Variants in PTPRD observed in about 807,000 individuals in gnomAD.
PTPRD encodes the protein protein tyrosine phosphatase receptor type D, also known as receptor-type tyrosine-protein phosphatase delta.
A neutral mutation model predicts 214.5 loss-of-function variants in PTPRD; 34 were observed. The observed-to-expected ratio is 0.16, with a 90% CI of 0.12 to 0.21. The LOEUF (loss-of-function observed/expected upper bound fraction) is 0.21. Ranked by LOEUF, PTPRD falls within the 10% of genes least tolerant of loss-of-function variation. PTPRD has a pLI of 1.00. For synonymous variants in PTPRD, 1,128 were observed against 845.7 expected (o/e 1.33, Z -5.79); for missense variants, 2,545 against 2,398.7 (o/e 1.06, Z -1.27).
intron 14 of PTPRD, among the ~76,000 whole-genome samples, chr9:8,602,306 C>T (rs1028197269): frequency 6.6e-6 from 1 of 152,114 alleles, no homozygotes; most frequent in African/African-American, 2.4e-5. Flanking sequence ...TGGCATACAC[C>T]TTCCTCATTG....
At chr9:10,005,245 T>C (rs2096448601) in intron 4 of PTPRD, among the ~76,000 whole-genome samples, 1 of 152,096 alleles carries the variant, frequency 6.6e-6, no homozygotes, top group Admixed American at 6.6e-5. Flanking sequence ...AACAGCTTTT[T>C]AAAGTAAAAG....
At chr9:9,329,110 C>G (rs1237631793) in intron 9 of PTPRD, among the ~76,000 whole-genome samples, 1 of 152,066 alleles carries the variant, frequency 6.6e-6, no homozygotes, top group African/African-American at 2.4e-5. Flanking sequence ...CTTCCCAAAA[C>G]CACCTCCAAT....
intron 7 of PTPRD, among the ~76,000 whole-genome samples, chr9:9,582,625 T>C (rs2154315845): frequency 6.6e-6 from 1 of 152,252 alleles, no homozygotes; most frequent in East Asian, 1.9e-4. Flanking sequence ...TTTGCGATGA[T>C]GAAATTATAT....
At chr9:10,597,537 T>G (rs1567135826) in intron 2 of PTPRD, among the ~76,000 whole-genome samples, 1 of 151,796 alleles carries the variant, frequency 6.6e-6, no homozygotes, top group South Asian at 2.1e-4. Flanking sequence ...AATATCCACT[T>G]TAAAATAATG....
intron 7 of PTPRD, among the ~76,000 whole-genome samples, chr9:9,612,558 C>T (rs529676217): frequency 1.1e-3 from 166 of 152,200 alleles, no homozygotes; most frequent in African/African-American, 4.0e-3. Context: ...GATCTGCGTT[C>T]CTGTTTTCTT....
intron 9 of PTPRD, among the ~76,000 whole-genome samples, chr9:9,234,939 T>G (rs1014064857): frequency 2.6e-5 from 4 of 152,210 alleles, no homozygotes; most frequent in Non-Finnish European, 5.9e-5. Flanking sequence ...TGCTCTCACA[T>G]TTTTGCGTAT....
At chr9:10,122,165 G>A (rs1396488764) in intron 3 of PTPRD, among the ~76,000 whole-genome samples, 3 of 151,986 alleles carry the variant, frequency 2.0e-5, no homozygotes, top group African/African-American at 7.3e-5. Context: ...AAAATTAGCT[G>A]GGCATGGTGG....
At chr9:9,162,122 C>T (rs1320881650) in intron 10 of PTPRD, among the ~76,000 whole-genome samples, 1 of 152,090 alleles carries the variant, frequency 6.6e-6, no homozygotes, top group Non-Finnish European at 1.5e-5. Flanking sequence ...GGCCTTTGTC[C>T]ATTTGTGCCT....
Position 8,666,923 on chromosome 9 carries a change from T to A in PTPRD, c.65-30079A>T, listed in dbSNP as rs556410060. Among the ~76,000 whole-genome samples the A allele has an allele frequency of 2.6e-5, 4 of 151,940 alleles. No individual in the cohort carries two copies. The East Asian group carries it at 7.7e-4, about 29-fold the overall frequency. On this transcript the variant is annotated intron_variant, in intron 12 of 45. Coordinates refer to ENST00000381196, the MANE Select transcript of PTPRD (RefSeq NM_002839.4). ...ACACTAGCACAAGCATTGTGTCTTG[T>A]GTACATACATTATCTCTAACAAGAC...
intron 10 of PTPRD, among the ~76,000 whole-genome samples, chr9:9,086,330 G>A (rs766153934): frequency 1.8e-4 from 27 of 152,228 alleles, no homozygotes; most frequent in Admixed American, 1.0e-3. Context: ...AATCTAGAAC[G>A]CATGCTGTTC....
rs753707055 is a variant in PTPRD at position 10,058,302 on chromosome 9, C to T, written c.-544-24512G>A. Among the ~76,000 whole-genome samples, 3 of 152,038 alleles carry T rather than the reference C, an allele frequency of 2.0e-5. No individual in the cohort carries two copies. In the East Asian group the frequency reaches 5.8e-4, roughly 29 times the overall value. ...CCTAGTAATGCCACACCAGACACTG[C>T]AACCCATATGTTATAGTTTAACAAT... On this transcript the variant is annotated intron_variant, in intron 3 of 45. Coordinates refer to ENST00000381196, the MANE Select transcript of PTPRD (RefSeq NM_002839.4).
At chr9:10,445,961 C>A (rs1380179725) in intron 2 of PTPRD, among the ~76,000 whole-genome samples, 1 of 151,782 alleles carries the variant, frequency 6.6e-6, no homozygotes, top group South Asian at 2.1e-4. Flanking sequence ...AGCAGGTAAA[C>A]CAAAATGTGT....
At chr9:10,166,770 G>A (rs150219550) in intron 3 of PTPRD, among the ~76,000 whole-genome samples, 1 of 152,156 alleles carries the variant, frequency 6.6e-6, no homozygotes, top group Non-Finnish European at 1.5e-5. Flanking sequence ...ATAAAATAAA[G>A]ATGATAAGGC....
At chr9:9,487,420 A>G (rs1251303154) in intron 8 of PTPRD, among the ~76,000 whole-genome samples, 1 of 152,086 alleles carries the variant, frequency 6.6e-6, no homozygotes, top group Non-Finnish European at 1.5e-5. Flanking sequence ...ATAGTATTCC[A>G]TGGTGTATAT....
intron 11 of PTPRD, among the ~76,000 whole-genome samples, chr9:8,803,692 C>G (rs2096616322): frequency 6.6e-6 from 1 of 151,430 alleles, no homozygotes; most frequent in Non-Finnish European, 1.5e-5. Context: ...TCACTTGTAA[C>G]CACTGCACTC....
chr9:10,036,558 G>A lies in PTPRD; in HGVS notation c.-544-2768C>T, dbSNP rs150099519. ...CAATTTTGCCAGGATTCCACAAACA[G>A]CACAAATACATTTTTTTTTATTTTA... On this transcript the variant is annotated intron_variant, in intron 3 of 45. Coordinates refer to ENST00000381196, the MANE Select transcript of PTPRD (RefSeq NM_002839.4). Among the ~76,000 whole-genome samples, 6 of 141,984 alleles carry A rather than the reference G, an allele frequency of 4.2e-5. No individual in the cohort carries two copies. In the East Asian group the frequency reaches 1.4e-3, roughly 32 times the overall value. 93.1% of individuals were successfully genotyped at this position (141,984 alleles called of 152,430 possible).
chr9:9,726,402 C>T (rs1403405467), intron 7 of PTPRD, among the ~76,000 whole-genome samples: 1 of 152,096 alleles, frequency 6.6e-6, no homozygotes, highest in Admixed American at 6.6e-5. Flanking sequence ...ATAAGCAGGA[C>T]AGTGTAAAAT....
chr9:8,887,229 T>C (rs145029066), intron 11 of PTPRD, among the ~76,000 whole-genome samples: 50 of 152,252 alleles, frequency 3.3e-4, no homozygotes, highest in African/African-American at 1.2e-3. Flanking sequence ...CTTCTTAAAG[T>C]GAGTATCTCA....
intron 7 of PTPRD, among the ~76,000 whole-genome samples, chr9:9,598,651 TAA>T (rs896344801): frequency 2.1e-4 from 32 of 151,554 alleles, no homozygotes; most frequent in African/African-American, 5.9e-4. Flanking sequence ...TTTTTTGTTA[TAA>T]GTTATTTACA....
Sources: gnomAD v4.1 joint callset for allele counts (sites outside exome capture counted in the v4.1 genomes callset) on GRCh38, gnomAD v4.1.1 for gene constraint, MANE v1.5 for transcripts, NCBI Gene and HGNC (gene_info 2026-07-23, HGNC 2026-07-21) for gene names.